CMIP: variants seen among roughly 807,000 people sequenced by gnomAD.
The protein encoded by CMIP is C-Maf-inducing protein.
Under a neutral mutation model 97.3 loss-of-function variants are expected in CMIP, and 13 were observed. The ratio of observed to expected loss-of-function variants is 0.13; its 90% CI spans 0.09 to 0.21. The LOEUF is 0.21. CMIP is among the 10% of genes least tolerant of loss of function. CMIP has a pLI of 1.00. For missense variants in CMIP, 847 were observed against 1,024.9 expected, an observed-to-expected ratio of 0.83 and a Z score of 2.37; for synonymous variants, 538 against 436.3, an observed-to-expected ratio of 1.23 and a Z score of -2.91.
intron 1 of CMIP, among the ~76,000 whole-genome samples, chr16:81,589,891 C>T (rs2091441008): frequency 6.6e-6 from 1 of 152,198 alleles, no homozygotes; most frequent in African/African-American, 2.4e-5. Flanking sequence ...AAGTGTACCT[C>T]AATGGCGTGT....
chr16:81,671,839 G>A (rs2092685856), intron 8 of CMIP, 127 bp from the exon 9 acceptor site: 1 of 568,778 alleles, frequency 1.8e-6, no homozygotes, highest in South Asian at 2.3e-5. Context: ...GGCTCTCAGA[G>A]CCCCCCAAGT....
chr16:81,597,948 G>C (rs576051710), intron 1 of CMIP, among the ~76,000 whole-genome samples: 1 of 152,066 alleles, frequency 6.6e-6, no homozygotes, highest in Admixed American at 6.5e-5. Context: ...GCACCTAGGA[G>C]GCCTCTGCTT....
At chr16:81,447,218 C>T (rs1905909739) in intron 1 of CMIP, among the ~76,000 whole-genome samples, 1 of 149,888 alleles carries the variant, frequency 6.7e-6, no homozygotes, top group East Asian at 2.0e-4. Context: ...TCACCTGGCT[C>T]AGGGGGACTT....
intron 1 of CMIP, 29 bp from the exon 2 acceptor site, chr16:81,607,538 T>C (rs768758515): frequency 9.3e-6 from 15 of 1,611,594 alleles, no homozygotes; most frequent in African/African-American, 1.3e-5. Flanking sequence ...AACCAATGCA[T>C]ATCTCTTCTT....
chr16:81,687,023 C>T (rs1905475895), intron 10 of CMIP, among the ~76,000 whole-genome samples: 1 of 152,204 alleles, frequency 6.6e-6, no homozygotes, highest in Non-Finnish European at 1.5e-5. Flanking sequence ...ATCCCACCTC[C>T]TGCCCCAGTG....
At chr16:81,532,212 T>C (rs772873201) in intron 1 of CMIP, among the ~76,000 whole-genome samples, 2 of 152,218 alleles carry the variant, frequency 1.3e-5, no homozygotes, top group African/African-American at 2.4e-5. Flanking sequence ...TTTCTGCGTA[T>C]CTTCACGCTG....
At chr16:81,691,645 G>T (rs1906090458) in intron 10 of CMIP, 130 bp from the exon 11 acceptor site, 1 of 716,108 alleles carries the variant, frequency 1.4e-6, no homozygotes, top group South Asian at 1.6e-5. Context: ...GTGGAAGTGG[G>T]TGGAGAAGTC....
At chr16:81,623,733 C>T (rs1251691290) in intron 3 of CMIP, among the ~76,000 whole-genome samples, 3 of 152,162 alleles carry the variant, frequency 2.0e-5, no homozygotes, top group Admixed American at 6.5e-5. Context: ...AGCTGGGAAA[C>T]GTGAATTTGG....
intron 3 of CMIP, among the ~76,000 whole-genome samples, chr16:81,650,714 G>T (rs2092418264): frequency 6.6e-6 from 1 of 152,190 alleles, no homozygotes; most frequent in South Asian, 2.1e-4. Context: ...ATCTGGACTT[G>T]ACTTTTGAAT....
chr16:81,540,447 C>T (rs2090427110), intron 1 of CMIP, among the ~76,000 whole-genome samples: 1 of 151,924 alleles, frequency 6.6e-6, no homozygotes, highest in Non-Finnish European at 1.5e-5. Flanking sequence ...AGACTACAGG[C>T]ACAAACCACC....
At chr16:81,625,819 A>T (rs543303064) in intron 3 of CMIP, among the ~76,000 whole-genome samples, 1 of 152,158 alleles carries the variant, frequency 6.6e-6, no homozygotes, top group Non-Finnish European at 1.5e-5. Flanking sequence ...GCTTCCTGAG[A>T]GGGGTTCCTC....
chr16:81,696,394 C>G, intron 13 of CMIP, 166 bp from the exon 14 acceptor site: 1 of 688,000 alleles, frequency 1.5e-6, no homozygotes, highest in South Asian at 1.8e-5. Flanking sequence ...AAAGACCTTT[C>G]ATGGCATTTG....
In CMIP at chr16:81,614,059, C is replaced by A. The variant is rs1365261194; in HGVS notation, c.426+6367C>A. ...TGATGCGTTAGGCGAGGCATTCTGG[C>A]CTGGTTTGGTTGGGGATGGGGAGGG... On this transcript the variant is annotated intron_variant, in intron 2 of 20. Coordinates refer to ENST00000537098, the MANE Select transcript of CMIP (RefSeq NM_198390.3). This position sits in a 1 kb window ranked among gnomAD's most constrained non-coding sequence, Gnocchi z 5.3. Among the ~76,000 whole-genome samples, 1 of 152,128 alleles carries A rather than the reference C, an allele frequency of 6.6e-6. No individual in the cohort carries two copies. Among genetic ancestry groups the A allele is most frequent in the Non-Finnish European group, 1.5e-5 (1 of 68,034 alleles).
At position 81,517,355 on chromosome 16, in the gene CMIP, T is replaced by C. The variant is rs77632197; in HGVS notation, c.300+71814T>C. 2.0e-3 allele frequency among the ~76,000 whole-genome samples: 308 copies of C among 152,356 alleles called. 1 individual carries two copies. The highest frequency in any genetic ancestry group is 6.9e-3 in the African/African-American group (289 of 41,594). ...CTTAGTACATTGATTCTGTGGAATA[T>C]GATGCAGCAATGAAAAAGAATGAAG... is the stretch of plus-strand genomic sequence containing the variant. On this transcript the variant is annotated intron_variant, in intron 1 of 20. Coordinates refer to ENST00000537098, the MANE Select transcript of CMIP (RefSeq NM_198390.3).
chr16:81,517,463 G>A (rs1350965741), intron 1 of CMIP, among the ~76,000 whole-genome samples: 1 of 152,166 alleles, frequency 6.6e-6, no homozygotes, highest in Non-Finnish European at 1.5e-5. Context: ...TAACACAAAG[G>A]TATTTTTTAA....
intron 9 of CMIP, among the ~76,000 whole-genome samples, 162 bp from the exon 10 acceptor site, chr16:81,678,113 C>T (rs904066388): frequency 1.9e-4 from 29 of 152,202 alleles, no homozygotes; most frequent in Non-Finnish European, 4.0e-4. Flanking sequence ...GCAAGCCGTG[C>T]ACCCAGGCTG....
chr16:81,492,421 G>A (rs764291988), intron 1 of CMIP, among the ~76,000 whole-genome samples: 8 of 152,220 alleles, frequency 5.3e-5, no homozygotes, highest in Admixed American at 2.0e-4. Context: ...TCTGTCCGTG[G>A]CCACTCAGCC....
In CMIP at chr16:81,460,639, C is replaced by T. The variant is rs533317972; in HGVS notation, c.300+15098C>T. Among the ~76,000 whole-genome samples the T allele has an allele frequency of 9.8e-5, 15 of 152,322 alleles. No homozygotes were observed. In the East Asian group the frequency reaches 1.9e-3, roughly 20 times the overall value. On this transcript the variant is annotated intron_variant, in intron 1 of 20. Coordinates refer to ENST00000537098, the MANE Select transcript of CMIP (RefSeq NM_198390.3). The stretch of plus-strand genomic sequence containing the variant: ...ATATATTGTCCTTTTGTGAAAATTT[C>T]CTCTGCCATCTGTTTCCTCCCAGGA...
chr16:81,634,534 G>A (rs189319414), intron 3 of CMIP, among the ~76,000 whole-genome samples: 17 of 152,268 alleles, frequency 1.1e-4, no homozygotes, highest in Admixed American at 2.6e-4. Flanking sequence ...ATTCACTGTG[G>A]TGAACACCAT....
Sources: gnomAD v4.1 joint callset for allele counts (sites outside exome capture counted in the v4.1 genomes callset) on GRCh38, gnomAD v4.1.1 for gene constraint, Gnocchi (gnomAD v3.1) non-coding constraint, MANE v1.5 for transcripts, NCBI Gene and HGNC (gene_info 2026-07-23, HGNC 2026-07-21) for gene names.